KATNIP: variants seen among roughly 807,000 people sequenced by gnomAD.
KATNIP encodes katanin interacting protein.
A neutral mutation model predicts 174.0 loss-of-function variants in KATNIP; 126 were observed. That is an observed-to-expected ratio of 0.72 (90% CI 0.63 to 0.84). The LOEUF (loss-of-function observed/expected upper bound fraction) is 0.84. Among genes scored for constraint, KATNIP ranks in the 40% least tolerant of loss-of-function variants. The pLI is 0.00. For synonymous variants in KATNIP, 810 were observed against 835.7 expected (o/e 0.97, Z 0.53); for missense variants, 1,958 against 2,109.7 (o/e 0.93, Z 1.41).
intron 1 of KATNIP, among the ~76,000 whole-genome samples, chr16:27,568,499 G>T (rs746173299): frequency 9.9e-5 from 15 of 151,694 alleles, no homozygotes; most frequent in African/African-American, 3.6e-4. Context: ...ACCAAGTCTC[G>T]CTCTGTCGCC....
chr16:27,767,417 G>A (rs987419734), intron 20 of KATNIP, among the ~76,000 whole-genome samples: 1 of 152,166 alleles, frequency 6.6e-6, no homozygotes, highest in Non-Finnish European at 1.5e-5. Flanking sequence ...TTTATTCTAG[G>A]GCCTTAGGAA....
chr16:27,686,260 G>A (rs753111875), intron 8 of KATNIP, among the ~76,000 whole-genome samples: 2 of 152,186 alleles, frequency 1.3e-5, no homozygotes, highest in Non-Finnish European at 2.9e-5. Context: ...TCTGGGGTCG[G>A]GGAGGGATGT....
intron 8 of KATNIP, among the ~76,000 whole-genome samples, chr16:27,689,751 A>G (rs942207689): frequency 3.3e-5 from 5 of 152,312 alleles, no homozygotes; most frequent in African/African-American, 1.2e-4. Context: ...ATGATTGCTC[A>G]TGAGTCTGTG....
intron 14 of KATNIP, among the ~76,000 whole-genome samples, chr16:27,733,762 G>A (rs1163889664): frequency 6.6e-6 from 1 of 152,090 alleles, no homozygotes; most frequent in Non-Finnish European, 1.5e-5. Context: ...TGGTTCTTGA[G>A]GAGAGAAAGG....
At chr16:27,587,925 T>A (rs2090961826) in intron 2 of KATNIP, among the ~76,000 whole-genome samples, 1 of 151,630 alleles carries the variant, frequency 6.6e-6, no homozygotes, top group Non-Finnish European at 1.5e-5. Context: ...TCTTTTCTTT[T>A]TTTTTTTTGA....
intron 6 of KATNIP, among the ~76,000 whole-genome samples, chr16:27,670,220 G>T (rs1597121556): frequency 6.6e-6 from 1 of 152,148 alleles, no homozygotes; most frequent in Non-Finnish European, 1.5e-5. Flanking sequence ...TGACTTTCTG[G>T]TGTGGAAAAT....
chr16:27,565,158 G>A (rs2090036355), intron 1 of KATNIP, among the ~76,000 whole-genome samples: 1 of 151,456 alleles, frequency 6.6e-6, no homozygotes, highest in Admixed American at 6.6e-5. Context: ...ACGGGTCCAT[G>A]GCATCAAGAT....
chr16:27,682,856 G>A (rs1320005559), intron 8 of KATNIP, among the ~76,000 whole-genome samples: 2 of 152,116 alleles, frequency 1.3e-5, no homozygotes, highest in African/African-American at 4.8e-5. Flanking sequence ...ATGGATTAAA[G>A]GGTTATCATG....
chr16:27,632,269 G>C (rs1346827753), intron 5 of KATNIP, among the ~76,000 whole-genome samples: 3 of 152,208 alleles, frequency 2.0e-5, no homozygotes, highest in Non-Finnish European at 4.4e-5. Context: ...TCCCTCCCGG[G>C]TGGCCATTCC....
At chr16:27,560,382 C>G (rs922455160) in intron 1 of KATNIP, among the ~76,000 whole-genome samples, 4 of 151,850 alleles carry the variant, frequency 2.6e-5, no homozygotes, top group African/African-American at 9.7e-5. Flanking sequence ...ACTTTCTTGT[C>G]ACGTAGCTCT....
In KATNIP at chr16:27,681,385, T is replaced by C; in HGVS notation, c.809-14T>C. ...GCGCTCAGCGTCTTACATGAAACAA[T>C]TGTTTTCCTACAGGTCATAAAAGGG... On this transcript the variant is annotated splice_polypyrimidine_tract_variant and intron_variant, in intron 7 of 27. Transcript: ENST00000261588. 6.2e-7 allele frequency: 1 copy of C among 1,614,088 alleles called. No individual in the cohort carries two copies. Among genetic ancestry groups the C allele is most frequent in the Non-Finnish European group, 8.5e-7 (1 of 1,179,938 alleles).
At chr16:27,597,732 G>T (rs1336018467) in intron 2 of KATNIP, among the ~76,000 whole-genome samples, 3 of 152,114 alleles carry the variant, frequency 2.0e-5, no homozygotes, top group Non-Finnish European at 4.4e-5. Flanking sequence ...GTGGGATTTG[G>T]TGTCTTGTCT....
intron 6 of KATNIP, among the ~76,000 whole-genome samples, chr16:27,674,537 C>T (rs1044357644): frequency 6.6e-6 from 1 of 152,214 alleles, no homozygotes; most frequent in African/African-American, 2.4e-5. Flanking sequence ...CCTCCCTGAC[C>T]TCTGCTTCCA....
intron 13 of KATNIP, among the ~76,000 whole-genome samples, chr16:27,713,854 ATATC>A (rs68041437): frequency 0.016 from 1,101 of 69,246 alleles, 73 homozygotes; most frequent in Non-Finnish European, 0.022. Flanking sequence ...ATATATATAT[ATATC>A]TATCTCAGAT....
At chr16:27,660,861 G>T (rs991862683) in intron 6 of KATNIP, among the ~76,000 whole-genome samples, 1 of 152,076 alleles carries the variant, frequency 6.6e-6, no homozygotes, top group African/African-American at 2.4e-5. Flanking sequence ...CCCCATCCCA[G>T]ATCTAAGCTT....
At chr16:27,736,107 AT>A (rs2080885700) in intron 14 of KATNIP, among the ~76,000 whole-genome samples, 1 of 152,192 alleles carries the variant, frequency 6.6e-6, no homozygotes, top group Admixed American at 6.5e-5. Flanking sequence ...GGTTCAAGTG[AT>A]TCTCCTGCCT....
At chr16:27,550,376 A>C (rs962910310) in intron 1 of KATNIP, among the ~76,000 whole-genome samples, 199 bp downstream of exon 1, 2 of 152,140 alleles carry the variant, frequency 1.3e-5, no homozygotes, top group African/African-American at 4.8e-5. Context: ...TGCTGTGACC[A>C]TTCTGCTCGG....
intron 17 of KATNIP, 40 bp downstream of exon 17, chr16:27,751,964 T>A: frequency 2.0e-6 from 3 of 1,535,896 alleles, no homozygotes; most frequent in Middle Eastern, 2.4e-4. Flanking sequence ...GACCCCCAGA[T>A]AGGTTTCTTC....
At chr16:27,656,573 ATG>A (rs2077294576) in intron 6 of KATNIP, among the ~76,000 whole-genome samples, 1 of 151,858 alleles carries the variant, frequency 6.6e-6, no homozygotes, top group Admixed American at 6.6e-5. Flanking sequence ...GATTAAGAAA[ATG>A]TGGCACATAT....
Sources: gnomAD v4.1 joint callset for allele counts (sites outside exome capture counted in the v4.1 genomes callset) on GRCh38, gnomAD v4.1.1 for gene constraint, MANE v1.5 for transcripts, NCBI Gene and HGNC (gene_info 2026-07-23, HGNC 2026-07-21) for gene names.